Variants in ZNF74 observed in about 807,000 individuals in gnomAD.
The protein encoded by ZNF74 is zinc finger protein 74.
A neutral mutation model predicts 17.7 loss-of-function variants in ZNF74; 12 were observed. The ratio of observed to expected loss-of-function variants is 0.68; its 90% CI spans 0.43 to 1.10. The LOEUF is 1.10. ZNF74 is among the 50% of genes least tolerant of loss of function. ZNF74 has a pLI of 0.00. For missense variants in ZNF74, 811 were observed against 881.0 expected (o/e 0.92, Z 1.01); for synonymous variants, 358 against 362.1 (o/e 0.99, Z 0.13).
chr22:20,405,060 CAG>C (rs1264512129), intron 4 of ZNF74, among the ~76,000 whole-genome samples: 1 of 152,230 alleles, frequency 6.6e-6, no homozygotes, highest in Non-Finnish European at 1.5e-5. Flanking sequence ...TCCTCATCAA[CAG>C]CTCCCAAGCT....
At chr22:20,396,510 T>C (rs2052295568) in intron 2 of ZNF74, among the ~76,000 whole-genome samples, 1 of 151,972 alleles carries the variant, frequency 6.6e-6, no homozygotes, top group Admixed American at 6.6e-5. Context: ...AGATACAAGC[T>C]GAAGACTGTA....
In ZNF74 at chr22:20,406,143, C is replaced by CT. The variant is rs1569096661; in HGVS notation, c.1110_1111insT (p.Gln371SerfsTer37). 3 of 1,613,740 alleles carry CT rather than the reference C, an allele frequency of 1.9e-6. No homozygotes were observed. Among genetic ancestry groups the CT allele is most frequent in the African/African-American group, 1.3e-5 (1 of 75,028 alleles). On this transcript the variant is annotated frameshift_variant, in exon 5 of 5. Coordinates refer to ENST00000400451, the MANE Select transcript of ZNF74 (RefSeq NM_003426.4). LOFTEE classifies it low-confidence loss of function (END_TRUNC). ...GCGGCGAGTGCGGCAAGGCCTTCAACCAGCGTACACACCTCACACGCCACC... is the reference window on the plus strand; with the variant it reads ...GCGGCGAGTGCGGCAAGGCCTTCAACTCAGCGTACACACCTCACACGCCACC...
chr22:20,396,373 T>A (rs934841949), intron 2 of ZNF74, among the ~76,000 whole-genome samples: 3 of 152,014 alleles, frequency 2.0e-5, no homozygotes, highest in African/African-American at 7.3e-5. Context: ...TCCAAAAAAA[T>A]TGATAAAGGG....
chr22:20,405,954 C>A lies in ZNF74; in HGVS notation c.921C>A (p.Gly307=), dbSNP rs1037455539. ...IHTGEKPFFC[G]ECGKAFSCHS... ...CCGGCGAGAAGCCCTTCTTCTGCGG[C>A]GAGTGCGGGAAGGCCTTCAGCTGCC... Residue 307 remains glycine, a synonymous_variant, in exon 5 of 5, where the codon GGC becomes GGA. Transcript: ENST00000400451. 2.5e-6 allele frequency: 4 copies of A among 1,613,688 alleles called. No homozygotes were observed. Among genetic ancestry groups the A allele is most frequent in the Non-Finnish European group, 3.4e-6 (4 of 1,179,964 alleles).
chr22:20,394,720 A>G, intron 1 of ZNF74, 58 bp downstream of exon 1: 1 of 1,550,420 alleles, frequency 6.4e-7, no homozygotes, highest in South Asian at 1.1e-5. Context: ...GGATATTGAC[A>G]CTCAGAGAGA....
chr22:20,407,179 G>C lies in ZNF74; in HGVS notation c.*211G>C. ...CCACACTCCAGGAGGAGTGTTGAGA[G>C]TCATTTGAGGTAGTCTTGCCACCTG... On this transcript the variant is annotated 3_prime_UTR_variant, in exon 5 of 5. Coordinates refer to ENST00000400451, the MANE Select transcript of ZNF74 (RefSeq NM_003426.4). 3.0e-6 allele frequency: 2 copies of C among 661,298 alleles called. No individual in the cohort carries two copies. Among genetic ancestry groups the C allele is most frequent in the East Asian group, 2.9e-5 (1 of 34,298 alleles). 41.0% of individuals were successfully genotyped at this position (661,298 alleles called of 1,614,324 possible).
In ZNF74 at chr22:20,406,882, G is replaced by A; in HGVS notation, c.1849G>A (p.Asp617Asn). The change falls in exon 5 of 5, where the codon GAC (aspartate) becomes AAC (asparagine). Residue 617 changes from aspartate (D) to asparagine (N), a missense_variant. Physicochemically the swap from Asp to Asn is conservative, Grantham distance 23. Coordinates refer to ENST00000400451, the MANE Select transcript of ZNF74 (RefSeq NM_003426.4). ...DAGLRDVDPI[D>N]ALDVAKLLCV... is the part of the protein sequence containing the mutation. Reference sequence around the variant, plus strand: ...TGGACTGAGGGACGTGGATCCCATCGACGCGCTGGATGTGGCAAAGCTCTT... The same window carrying A: ...TGGACTGAGGGACGTGGATCCCATCAACGCGCTGGATGTGGCAAAGCTCTT... The A allele has an allele frequency of 6.2e-7, 1 of 1,614,028 alleles. No individual in the cohort carries two copies. Among genetic ancestry groups the A allele is most frequent in the Non-Finnish European group, 8.5e-7 (1 of 1,180,026 alleles).
intron 2 of ZNF74, chr22:20,399,862 T>C (rs2052338364): frequency 6.4e-6 from 1 of 156,790 alleles, no homozygotes; most frequent in African/African-American, 2.4e-5. Context: ...ATTCCTCTGA[T>C]TTCATTAATA....
chr22:20,405,273 CCT>C (rs1028141323), intron 4 of ZNF74, 102 bp from the exon 5 acceptor site: 2 of 1,296,814 alleles, frequency 1.5e-6, no homozygotes, highest in Admixed American at 2.3e-5. Context: ...GGTGGCCTCT[CCT>C]CTCTTTTCTG....
rs2052450092 is a variant in ZNF74, at chr22:20,407,856, G to T, written c.*888G>T. ...CCCACAGCTGTCACAGCACGGCCCA[G>T]CATCATTGTAGCCAGATCCTAACAT... On this transcript the variant is annotated 3_prime_UTR_variant, in exon 5 of 5. Coordinates refer to ENST00000400451, the MANE Select transcript of ZNF74 (RefSeq NM_003426.4). 6.6e-6 allele frequency: 1 copy of T among 152,210 alleles called. No individual in the cohort carries two copies. Among genetic ancestry groups the T allele is most frequent in the African/African-American group, 2.4e-5 (1 of 41,448 alleles). 9.4% of individuals were successfully genotyped at this position (152,210 alleles called of 1,614,324 possible).
chr22:20,394,756 A>T, intron 1 of ZNF74, 94 bp downstream of exon 1: 1 of 1,226,012 alleles, frequency 8.2e-7, no homozygotes. Flanking sequence ...AGAAGCATCC[A>T]GCATCTTTTT....
In ZNF74 at chr22:20,407,004, G is replaced by A. The variant is rs2052440297; in HGVS notation, c.*36G>A. 3 of 1,570,234 alleles carry A rather than the reference G, an allele frequency of 1.9e-6. No individual in the cohort carries two copies. The highest frequency in any genetic ancestry group is 2.7e-5 in the African/African-American group (2 of 74,168). On this transcript the variant is annotated 3_prime_UTR_variant, in exon 5 of 5. Coordinates refer to ENST00000400451, the MANE Select transcript of ZNF74 (RefSeq NM_003426.4). ...TTTGGTGTCAGTAGCTGCTTTCTGA[G>A]CTACTCAACAAGGAAAGCACCCTGG...
rs1161688530 is a variant in ZNF74 at position 20,405,783 on chromosome 22, C to A, written c.750C>A (p.Cys250Ter). The A allele has an allele frequency of 1.9e-6, 3 of 1,610,016 alleles. No homozygotes were observed. Among genetic ancestry groups the A allele is most frequent in the African/African-American group, 2.7e-5 (2 of 74,864 alleles). Residue 250 changes from cysteine to a stop codon, truncating the protein, a stop_gained, in exon 5 of 5, where the codon TGC (cysteine) becomes TGA (stop). Coordinates refer to ENST00000400451, the MANE Select transcript of ZNF74 (RefSeq NM_003426.4). LOFTEE classifies it low-confidence loss of function (END_TRUNC). The stretch of plus-strand genomic sequence containing the variant: ...GCGCCGGGGAGGGCGAGTTCGTGTG[C>A]GGCGAGTGCGGGAAGGCGTTCCGCC... ...GAGAGEGEFV[C>*]GECGKAFRQS...
At chr22:20,394,792 C>A in intron 1 of ZNF74, 130 bp downstream of exon 1, 1 of 883,288 alleles carries the variant, frequency 1.1e-6, no homozygotes, top group Non-Finnish European at 1.8e-6. Context: ...GAATCTCACT[C>A]TGTCACCCAG....
chr22:20,394,410 G>T lies in ZNF74; in HGVS notation c.-219G>T. 1 of 642,494 alleles carries T rather than the reference G, an allele frequency of 1.6e-6. No individual in the cohort carries two copies. Among genetic ancestry groups the T allele is most frequent in the East Asian group, 2.8e-5 (1 of 36,056 alleles). The allele number at this position is 642,494 out of a possible 1,614,324, so 39.8% of individuals were successfully genotyped here. A position where few individuals can be genotyped will look rare whatever the true frequency, so the allele number is the denominator to read the frequency against. On this transcript the variant is annotated 5_prime_UTR_variant, in exon 1 of 5. An upstream open reading frame in the 5' UTR gains an earlier in-frame stop. Coordinates refer to ENST00000400451, the MANE Select transcript of ZNF74 (RefSeq NM_003426.4). Reference sequence around the variant, plus strand: ...GAGCATGGGGCTGAGCCTGGTGTGGGGAGTGGGTATCTGCGGAGCCGGCCT... The same window carrying T: ...GAGCATGGGGCTGAGCCTGGTGTGGTGAGTGGGTATCTGCGGAGCCGGCCT...
chr22:20,394,389 A>T lies in ZNF74; in HGVS notation c.-240A>T. On this transcript the variant is annotated 5_prime_UTR_variant, in exon 1 of 5. It removes an upstream start codon present in the reference 5' UTR. Transcript: ENST00000400451. ...GTGCCGGGGCGTGAGTGCGCCGAGC[A>T]TGGGGCTGAGCCTGGTGTGGGGAGT... is the stretch of plus-strand genomic sequence containing the variant. 1 of 670,120 alleles carries T rather than the reference A, an allele frequency of 1.5e-6. No individual in the cohort carries two copies. Among genetic ancestry groups the T allele is most frequent in the Non-Finnish European group, 2.7e-6 (1 of 366,412 alleles). The allele number at this position is 670,120 out of a possible 1,614,324, so 41.5% of individuals were successfully genotyped here.
At chr22:20,398,041 G>A (rs1017701079) in intron 2 of ZNF74, among the ~76,000 whole-genome samples, 5 of 152,288 alleles carry the variant, frequency 3.3e-5, no homozygotes, top group South Asian at 4.1e-4. Context: ...TCTCCAGGCC[G>A]GGTGCAGTGG....
Position 20,401,068 on chromosome 22 carries a change from T to C in ZNF74, c.248-209T>C, listed in dbSNP as rs1293601111. On this transcript the variant is annotated intron_variant, in intron 3 of 4. Coordinates refer to ENST00000400451, the MANE Select transcript of ZNF74 (RefSeq NM_003426.4). The surrounding 1 kb of genome is among the most constrained non-coding windows in gnomAD (Gnocchi z 4.2). The stretch of plus-strand genomic sequence containing the variant: ...CTGGAACAGTCCTCAAGCAATGAAG[T>C]AAGGACGTCAGCACACGTGGGGTCT... 1 of 594,538 alleles carries C rather than the reference T, an allele frequency of 1.7e-6. No homozygotes were observed. The highest frequency in any genetic ancestry group is 1.9e-5 in the African/African-American group (1 of 53,680). 36.8% of individuals were successfully genotyped at this position (594,538 alleles called of 1,614,324 possible). A position where few individuals can be genotyped will look rare whatever the true frequency, so the allele number is the denominator to read the frequency against.
Position 20,395,346 on chromosome 22 carries a change from G to A in ZNF74, c.48G>A (p.Gln16=), listed in dbSNP as rs2052280769. The stretch of plus-strand genomic sequence containing the variant: ...CTCCTTCGCCAGCTCTTTCCTCTCA[G>A]GATCCTGCTCTTTCCCTGAAAGAGA... ...PEPEKTALSS[Q]DPALSLKENL... is the part of the protein sequence containing the mutation. Residue 16 remains glutamine (Q), a synonymous_variant, in exon 2 of 5, where the codon CAG becomes CAA. Transcript: ENST00000400451. 6.2e-7 allele frequency: 1 copy of A among 1,600,258 alleles called. No individual in the cohort carries two copies.
Sources: allele counts gnomAD v4.1 joint callset (sites outside exome capture counted in the v4.1 genomes callset), GRCh38; gene constraint gnomAD v4.1.1; non-coding constraint Gnocchi (gnomAD v3.1); transcripts MANE v1.5; gene names NCBI Gene and HGNC (gene_info 2026-07-23, HGNC 2026-07-21).